LRTM3: variants seen among roughly 807,000 people sequenced by gnomAD.
LRTM3 encodes the protein leucine-rich repeat transmembrane protein 3.
chr13:102,745,926 T>C, the LRTM3 span: 23 of 1,551,086 alleles, frequency 1.5e-5, no homozygotes, highest in Non-Finnish European at 2.0e-5. Context: ...CCTGGTTGGT[T>C]CAGTTCCTCA....
At chr13:102,739,198 A>G in the LRTM3 span, 4 of 1,549,506 alleles carry the variant, frequency 2.6e-6, no homozygotes, top group African/African-American at 5.5e-5. Flanking sequence ...CTAGTTTTTT[A>G]TTGCTCCGTT....
the LRTM3 span, chr13:102,738,066 C>T: frequency 6.4e-7 from 1 of 1,550,392 alleles, no homozygotes; most frequent in Non-Finnish European, 8.7e-7. Flanking sequence ...CCTTGCTCCT[C>T]ACCTTCTCTG....
the LRTM3 span, among the ~76,000 whole-genome samples, chr13:102,750,714 A>C: frequency 6.6e-6 from 1 of 152,204 alleles, no homozygotes; most frequent in Non-Finnish European, 1.5e-5. Context: ...TCTGTTCTCT[A>C]TATGAAAGTT....
At chr13:102,739,196 T>G in the LRTM3 span, 1 of 1,549,970 alleles carries the variant, frequency 6.5e-7, no homozygotes, top group African/African-American at 1.4e-5. Flanking sequence ...CTCTAGTTTT[T>G]TATTGCTCCG....
chr13:102,757,199 A>G, the LRTM3 span, among the ~76,000 whole-genome samples: 1 of 152,094 alleles, frequency 6.6e-6, no homozygotes, highest in African/African-American at 2.4e-5. Flanking sequence ...GGTTCTACCT[A>G]CTCACACCTC....
the LRTM3 span, chr13:102,749,995 G>A: frequency 1.3e-6 from 2 of 1,550,110 alleles, no homozygotes; most frequent in Non-Finnish European, 1.7e-6. Flanking sequence ...GGGCAAGAGG[G>A]CAAGGTGCCA....
chr13:102,736,857 A>G, the LRTM3 span: 3 of 1,551,008 alleles, frequency 1.9e-6, no homozygotes, highest in Non-Finnish European at 2.6e-6. Flanking sequence ...AAATATGACA[A>G]TGTATATTTT....
the LRTM3 span, chr13:102,735,934 G>A: frequency 1.3e-6 from 2 of 1,542,892 alleles, no homozygotes; most frequent in Non-Finnish European, 1.8e-6. Context: ...GCTCTTCAAT[G>A]TGCAAAGAGT....
the LRTM3 span, chr13:102,740,816 C>T: frequency 1.0e-5 from 16 of 1,549,474 alleles, no homozygotes; most frequent in Middle Eastern, 1.7e-4. Flanking sequence ...GTACCCTAAA[C>T]TATTGATTGC....
At chr13:102,741,203 G>T in the LRTM3 span, 1 of 1,549,762 alleles carries the variant, frequency 6.5e-7, no homozygotes, top group South Asian at 1.2e-5. Flanking sequence ...CTGTCTATTT[G>T]ATTTTAATGT....
At chr13:102,739,511 G>A in the LRTM3 span, 1 of 1,550,270 alleles carries the variant, frequency 6.5e-7, no homozygotes, top group Non-Finnish European at 8.7e-7. Flanking sequence ...TGATAGAGAT[G>A]GTAAAGAAGT....
At chr13:102,744,709 TTC>T in the LRTM3 span, 1 of 1,550,766 alleles carries the variant, frequency 6.4e-7, no homozygotes, top group East Asian at 2.4e-5. Context: ...ATGGAACTGA[TTC>T]TGTTAACATT....
At chr13:102,737,419 C>G in the LRTM3 span, 1 of 1,550,758 alleles carries the variant, frequency 6.4e-7, no homozygotes, top group Non-Finnish European at 8.7e-7. Flanking sequence ...GAACTGTTTC[C>G]TGTTTACTCT....
chr13:102,747,205 A>G, the LRTM3 span: 1 of 1,550,696 alleles, frequency 6.4e-7, no homozygotes, highest in Non-Finnish European at 8.7e-7. Context: ...CTAGCTTGAT[A>G]TGACTGTGAT....
the LRTM3 span, chr13:102,738,902 T>C: frequency 2.9e-5 from 45 of 1,550,646 alleles, no homozygotes; most frequent in Non-Finnish European, 3.9e-5. Context: ...TCTTTTGGAA[T>C]GCATGATTTT....
At chr13:102,745,708 C>G in the LRTM3 span, 2 of 1,551,130 alleles carry the variant, frequency 1.3e-6, no homozygotes, top group East Asian at 2.4e-5. Context: ...CAGCCTGTTC[C>G]TTTTGATGGC....
the LRTM3 span, among the ~76,000 whole-genome samples, chr13:102,756,106 C>A: frequency 6.6e-6 from 1 of 151,178 alleles, no homozygotes; most frequent in African/African-American, 2.4e-5. Flanking sequence ...GCGCATGCCA[C>A]CACAGCCGGT....
the LRTM3 span, chr13:102,732,257 A>G: frequency 2.6e-6 from 4 of 1,551,424 alleles, no homozygotes; most frequent in Non-Finnish European, 3.5e-6. Context: ...GGAAATAGAA[A>G]GACTTCTGAT....
chr13:102,739,802 G>C, the LRTM3 span: 22 of 1,549,090 alleles, frequency 1.4e-5, 1 homozygote, highest in Admixed American at 3.1e-4. Flanking sequence ...GTGAGGTAAA[G>C]AAAGAATAGA....
Sources: gnomAD v4.1 joint callset for allele counts (sites outside exome capture counted in the v4.1 genomes callset) on GRCh38, gnomAD v4.1.1 for gene constraint, MANE v1.5 for transcripts, NCBI Gene and HGNC (gene_info 2026-07-23, HGNC 2026-07-21) for gene names.